Variants in CFAP54 observed in about 807,000 individuals in gnomAD.
CFAP54 encodes cilia and flagella associated protein 54, also known as cilia- and flagella-associated protein 54.
In CFAP54, 290 loss-of-function variants were observed where a neutral mutation model predicts 370.4. The observed-to-expected ratio is 0.78, with a 90% CI of 0.71 to 0.86. The LOEUF (loss-of-function observed/expected upper bound fraction) is 0.86. CFAP54 is among the 40% of genes least tolerant of loss of function. CFAP54 has a pLI of 0.00. For synonymous variants in CFAP54, 1,206 were observed against 1,236.5 expected (o/e 0.98, Z 0.52); for missense variants, 3,399 against 3,528.7 (o/e 0.96, Z 0.93).
intron 39 of CFAP54, among the ~76,000 whole-genome samples, chr12:96,667,696 G>A (rs1176892294): frequency 2.0e-5 from 3 of 152,200 alleles, no homozygotes; most frequent in South Asian, 4.1e-4. Flanking sequence ...TGCTGCGAAG[G>A]TCTCTAACAT....
intron 66 of CFAP54, among the ~76,000 whole-genome samples, chr12:96,844,670 T>A (rs116266546): frequency 0.015 from 2,305 of 152,312 alleles, 73 homozygotes; most frequent in African/African-American, 0.053. Flanking sequence ...ATTATCATCC[T>A]TTTTTTACAT....
intron 3 of CFAP54, 29 bp downstream of exon 3, chr12:96,504,058 A>G: frequency 2.7e-6 from 4 of 1,481,190 alleles, no homozygotes; most frequent in Non-Finnish European, 2.7e-6. Flanking sequence ...TGAAATAGCT[A>G]CAATTTATGA....
At chr12:96,779,522 A>G (rs1958560280) in intron 60 of CFAP54, among the ~76,000 whole-genome samples, 1 of 151,200 alleles carries the variant, frequency 6.6e-6, no homozygotes. Context: ...AAGGAATGGA[A>G]TTGCTGGTCA....
intron 64 of CFAP54, among the ~76,000 whole-genome samples, chr12:96,812,482 T>A (rs1374318924): frequency 6.6e-6 from 1 of 152,182 alleles, no homozygotes; most frequent in African/African-American, 2.4e-5. Context: ...ACTTAGTTTA[T>A]TTTTGACTCC....
At chr12:96,627,332 A>G (rs4012) in intron 30 of CFAP54, among the ~76,000 whole-genome samples, 65,141 of 152,040 alleles carry the variant, frequency 0.43, 14,334 homozygotes, top group Admixed American at 0.51. Flanking sequence ...TTCCATTTGT[A>G]TATGTGAAGA....
Position 96,665,863 on chromosome 12 carries a change from A to G in CFAP54, c.5563+1931A>G, listed in dbSNP as rs573470367. On this transcript the variant is annotated intron_variant, in intron 39 of 67. Coordinates refer to ENST00000524981, the MANE Select transcript of CFAP54 (RefSeq NM_001306084.2). ...TTTTCTTATTCTGTGAAGAATCTCAATGGTAGTTCAATAGGAATAGCAGTG... is the reference window on the plus strand; with the variant it reads ...TTTTCTTATTCTGTGAAGAATCTCAGTGGTAGTTCAATAGGAATAGCAGTG... Among the ~76,000 whole-genome samples, 3 of 152,288 alleles carry G rather than the reference A, an allele frequency of 2.0e-5. No homozygotes were observed. The East Asian group carries it at 5.8e-4, about 29-fold the overall frequency.
chr12:96,646,087 A>G (rs1487568961), intron 33 of CFAP54: 3 of 152,222 alleles, frequency 2.0e-5, no homozygotes, highest in Non-Finnish European at 4.4e-5. Flanking sequence ...AAGAAAAGCC[A>G]AAATTGACAA....
intron 20 of CFAP54, 52 bp from the exon 21 acceptor site, chr12:96,580,545 A>C (rs1956022268): frequency 2.1e-6 from 2 of 932,446 alleles, no homozygotes; most frequent in Non-Finnish European, 3.0e-6. Context: ...TTTTTTTGTT[A>C]CATTGATATA....
chr12:96,779,123 A>C (rs1248040237), intron 60 of CFAP54, among the ~76,000 whole-genome samples: 1 of 150,288 alleles, frequency 6.7e-6, no homozygotes, highest in Non-Finnish European at 1.5e-5. Flanking sequence ...AAAAAAAAAA[A>C]AACCCACAAA....
intron 55 of CFAP54, among the ~76,000 whole-genome samples, chr12:96,744,457 T>G (rs1958088856): frequency 6.6e-6 from 1 of 152,196 alleles, no homozygotes; most frequent in South Asian, 2.1e-4. Flanking sequence ...ATAATTTACT[T>G]CAAAATTACC....
chr12:96,658,047 C>G lies in CFAP54; in HGVS notation c.5266C>G (p.Gln1756Glu), dbSNP rs1956942900. 15 of 1,613,008 alleles carry G rather than the reference C, an allele frequency of 9.3e-6. No individual in the cohort carries two copies. The highest frequency in any genetic ancestry group is 1.1e-5 in the Non-Finnish European group (13 of 1,179,832). ...FVLKSLEVLYQVEKWETLVSL... is the reference protein window; with the variant it reads ...FVLKSLEVLYEVEKWETLVSL... ...ATTAAAATCTCTGGAAGTTTTATAT[C>G]AAGTGGAAAAATGGGAAACACTAGT... is the stretch of plus-strand genomic sequence containing the variant. Residue 1756 changes from glutamine to glutamate, a missense_variant, in exon 37 of 68, where the codon CAA becomes GAA. By Grantham distance (29) the Gln-to-Glu change is conservative. Coordinates refer to ENST00000524981, the MANE Select transcript of CFAP54 (RefSeq NM_001306084.2).
chr12:96,823,355 A>T (rs187255501), intron 65 of CFAP54, among the ~76,000 whole-genome samples: 14 of 152,272 alleles, frequency 9.2e-5, no homozygotes, highest in South Asian at 4.1e-4. Context: ...ATTCATCATT[A>T]TATCGCCAAT....
intron 34 of CFAP54, among the ~76,000 whole-genome samples, chr12:96,649,007 G>A (rs1055935078): frequency 5.3e-5 from 8 of 152,042 alleles, no homozygotes; most frequent in African/African-American, 1.7e-4. Flanking sequence ...CCAATGATAT[G>A]GTTCATTTCA....
At chr12:96,660,710 A>G (rs1049162022) in intron 38 of CFAP54, among the ~76,000 whole-genome samples, 28 of 152,204 alleles carry the variant, frequency 1.8e-4, no homozygotes, top group Non-Finnish European at 5.9e-5. Context: ...GTGTCTTTCA[A>G]TGCAATTTCT....
intron 15 of CFAP54, among the ~76,000 whole-genome samples, chr12:96,548,856 A>ATT (rs35755598): frequency 1.4e-5 from 2 of 142,708 alleles, no homozygotes. Flanking sequence ...CCTCCGGTAG[A>ATT]TTTTTTTTTT....
chr12:96,795,290 G>T (rs1229705380), intron 63 of CFAP54, among the ~76,000 whole-genome samples: 1 of 152,152 alleles, frequency 6.6e-6, no homozygotes, highest in Non-Finnish European at 1.5e-5. Context: ...TTGCCCTAGG[G>T]TTGCCTGGAT....
intron 32 of CFAP54, among the ~76,000 whole-genome samples, chr12:96,642,755 A>G (rs368858258): frequency 6.6e-6 from 1 of 152,042 alleles, no homozygotes; most frequent in Non-Finnish European, 1.5e-5. Context: ...ATCACTGAGG[A>G]TTTCTGCTGA....
At chr12:96,664,729 A>ATATATATATATC (rs1957049908) in intron 39 of CFAP54, among the ~76,000 whole-genome samples, 3 of 13,300 alleles carry the variant, frequency 2.3e-4, no homozygotes, top group Admixed American at 8.2e-4. Flanking sequence ...ATATATCTAT[A>ATATATATATATC]TATATATATC....
intron 15 of CFAP54, 90 bp from the exon 16 acceptor site, chr12:96,554,092 T>C (rs1419641594): frequency 9.1e-6 from 7 of 769,836 alleles, no homozygotes; most frequent in Non-Finnish European, 1.2e-5. Context: ...ATTTCTGTTA[T>C]GTGGTTTTGA....
Sources: gnomAD v4.1 joint callset for allele counts (sites outside exome capture counted in the v4.1 genomes callset) on GRCh38, gnomAD v4.1.1 for gene constraint, MANE v1.5 for transcripts, NCBI Gene and HGNC (gene_info 2026-07-23, HGNC 2026-07-21) for gene names.